SLC26A5: variants seen among roughly 807,000 people sequenced by gnomAD.
SLC26A5 encodes solute carrier family 26 member 5, also known as prestin.
SLC26A5 carries 51 observed loss-of-function variants against 81.0 expected under a neutral mutation model. The observed-to-expected ratio is 0.63, with a 90% CI of 0.50 to 0.80. The LOEUF is 0.80. Among genes scored for constraint, SLC26A5 ranks in the 30% least tolerant of loss-of-function variants. The pLI is 0.00. For synonymous variants in SLC26A5, 325 were observed against 332.8 expected, an observed-to-expected ratio of 0.98 and a Z score of 0.25; for missense variants, 771 against 905.8, an observed-to-expected ratio of 0.85 and a Z score of 1.91.
chr7:103,354,092 A>T lies in SLC26A5; in HGVS notation c.2042-1166T>A. 4.4e-6 allele frequency: 3 copies of T among 684,346 alleles called. No homozygotes were observed. The South Asian group carries it at 7.1e-5, about 16-fold the overall frequency. 42.4% of individuals were successfully genotyped at this position (684,346 alleles called of 1,614,324 possible). A position where few individuals can be genotyped will look rare whatever the true frequency, so the allele number is the denominator to read the frequency against. ...AAAAACCAAACAAAAAATAAAATAA[A>T]AAGAAACAATTAGAAAAGAATGTCT... On this transcript the variant is annotated intron_variant, in intron 19 of 19. Coordinates refer to the SLC26A5 transcript ENST00000339444.
At chr7:103,382,264 A>G (rs776328045) in intron 14 of SLC26A5, among the ~76,000 whole-genome samples, 105 of 152,012 alleles carry the variant, frequency 6.9e-4, no homozygotes, top group Non-Finnish European at 1.3e-3. Context: ...TGGGGAGAAA[A>G]TGAAAATCTC....
At chr7:103,377,567 G>A (rs759282825) in intron 18 of SLC26A5, 32 bp downstream of exon 18, 1 of 1,580,084 alleles carries the variant, frequency 6.3e-7, no homozygotes, top group Non-Finnish European at 8.7e-7. Flanking sequence ...AGGCATAGAG[G>A]TATTAAATGA....
At chr7:103,391,141 G>T (rs1386017175) in intron 11 of SLC26A5, among the ~76,000 whole-genome samples, 1 of 152,160 alleles carries the variant, frequency 6.6e-6, no homozygotes, top group Admixed American at 6.5e-5. Context: ...GCGATTACAG[G>T]CATGAGCTAC....
intron 5 of SLC26A5, 105 bp downstream of exon 5, chr7:103,412,897 T>G (rs1328899768): frequency 1.1e-6 from 1 of 871,902 alleles, no homozygotes; most frequent in Non-Finnish European, 1.9e-6. Flanking sequence ...TAACAAAAGT[T>G]GTTATTAAGA....
chr7:103,420,392 C>T (rs530894573), intron 4 of SLC26A5, among the ~76,000 whole-genome samples: 1 of 145,316 alleles, frequency 6.9e-6, no homozygotes, highest in African/African-American at 2.6e-5. Flanking sequence ...AACTTTGGGG[C>T]TCAAATGATC....
At chr7:103,400,069 C>T (rs1823465997) in intron 8 of SLC26A5, among the ~76,000 whole-genome samples, 1 of 151,736 alleles carries the variant, frequency 6.6e-6, no homozygotes, top group South Asian at 2.1e-4. Context: ...GATTTATAAT[C>T]CTTTGGGTAT....
intron 13 of SLC26A5, 66 bp downstream of exon 13, chr7:103,389,263 T>C: frequency 1.5e-6 from 2 of 1,333,618 alleles, no homozygotes; most frequent in Non-Finnish European, 2.2e-6. Context: ...CTTTCTCACA[T>C]TTTTCTTAGC....
At chr7:103,366,275 G>A in intron 19 of SLC26A5, 2 of 932,356 alleles carry the variant, frequency 2.1e-6, no homozygotes, top group Non-Finnish European at 3.3e-6. Context: ...ACTCTTCTAT[G>A]AGCTCTGAAA....
At chr7:103,402,391 CTCT>C (rs1409421758) in intron 8 of SLC26A5, among the ~76,000 whole-genome samples, 5 of 132,590 alleles carry the variant, frequency 3.8e-5, no homozygotes, top group African/African-American at 1.1e-4. Flanking sequence ...GTACGTATTG[CTCT>C]TTTTTTTTTT....
chr7:103,364,776 C>A (rs1053681603), intron 19 of SLC26A5, among the ~76,000 whole-genome samples: 13 of 151,918 alleles, frequency 8.6e-5, no homozygotes, highest in Non-Finnish European at 1.8e-4. Context: ...TGGAGATAGG[C>A]AACCACTTAA....
chr7:103,410,337 G>A, intron 7 of SLC26A5, 48 bp downstream of exon 7: 1 of 1,485,166 alleles, frequency 6.7e-7, no homozygotes, highest in East Asian at 2.3e-5. Context: ...AGAAGGTTGG[G>A]GGGAATAAAG....
intron 19 of SLC26A5, chr7:103,366,301 T>C: frequency 1.4e-6 from 1 of 712,168 alleles, no homozygotes; most frequent in African/African-American, 1.8e-5. Context: ...GCGCCACAGA[T>C]CTAATAAGTA....
At chr7:103,430,612 G>A (rs1826009578) in intron 2 of SLC26A5, among the ~76,000 whole-genome samples, 1 of 71,130 alleles carries the variant, frequency 1.4e-5, no homozygotes, top group Non-Finnish European at 2.3e-5. Context: ...CTTTGGAGAG[G>A]ATACTGGATT....
At chr7:103,364,313 G>A (rs1254636878) in intron 19 of SLC26A5, 4 of 1,613,608 alleles carry the variant, frequency 2.5e-6, no homozygotes, top group Non-Finnish European at 3.4e-6. Context: ...GTGAGGTAAA[G>A]TAAATTTATC....
intron 9 of SLC26A5, among the ~76,000 whole-genome samples, chr7:103,395,080 A>G (rs1822976206): frequency 6.6e-6 from 1 of 152,158 alleles, no homozygotes. Context: ...CAGATGCATA[A>G]CAAACCCCAA....
intron 19 of SLC26A5, among the ~76,000 whole-genome samples, chr7:103,365,255 A>G (rs975846171): frequency 1.3e-5 from 2 of 152,202 alleles, no homozygotes; most frequent in Non-Finnish European, 2.9e-5. Flanking sequence ...TAATAGATAC[A>G]GAATCATGAA....
intron 12 of SLC26A5, 144 bp from the exon 13 acceptor site, chr7:103,389,568 G>C (rs1361888009): frequency 5.6e-6 from 4 of 709,500 alleles, no homozygotes; most frequent in Non-Finnish European, 1.0e-5. Context: ...TTGAAGCCAT[G>C]AACACCTGGA....
chr7:103,371,965 G>A (rs984751609), downstream of SLC26A5, among the ~76,000 whole-genome samples: 2 of 152,106 alleles, frequency 1.3e-5, no homozygotes, highest in African/African-American at 4.8e-5. Context: ...AAAGTACTGG[G>A]ATTACAGGCG....
chr7:103,411,448 G>C lies in SLC26A5; in HGVS notation c.542C>G (p.Ser181Cys). 6.2e-7 allele frequency: 1 copy of C among 1,614,180 alleles called. No individual in the cohort carries two copies. Among genetic ancestry groups the C allele is most frequent in the Non-Finnish European group, 8.5e-7 (1 of 1,180,034 alleles). The change falls in exon 6 of 20, where the codon TCT (serine) becomes TGT (cysteine). Residue 181 changes from serine to cysteine, a missense_variant. Ser to Cys is a moderately radical substitution (Grantham distance 112, BLOSUM62 -1). Coordinates refer to ENST00000306312, the MANE Select transcript of SLC26A5 (RefSeq NM_198999.3). ...AATGATTCCTGAAAGTAAGGTCACA[G>C]ACATGGCGACTTTCACTCTCAAGGC... ...RDALRVKVAM[S>C]VTLLSGIIQF...
Sources: gnomAD v4.1 joint callset for allele counts (sites outside exome capture counted in the v4.1 genomes callset) on GRCh38, gnomAD v4.1.1 for gene constraint, MANE v1.5 for transcripts, NCBI Gene and HGNC (gene_info 2026-07-23, HGNC 2026-07-21) for gene names.